SLC39A9: variants seen among roughly 807,000 people sequenced by gnomAD.
SLC39A9 encodes the protein zinc transporter ZIP9.
A neutral mutation model predicts 28.4 loss-of-function variants in SLC39A9; 14 were observed. That is an observed-to-expected ratio of 0.49 (90% CI 0.33 to 0.77). The LOEUF (loss-of-function observed/expected upper bound fraction) is 0.77. Ranked by LOEUF, SLC39A9 falls within the 30% of genes least tolerant of loss-of-function variation. The pLI is 0.02. For synonymous variants in SLC39A9, 119 were observed against 149.6 expected (o/e 0.80, Z 1.49); for missense variants, 283 against 381.1 (o/e 0.74, Z 2.14).
In SLC39A9 at chr14:69,460,098, A is replaced by G. The variant is rs1183806331; in HGVS notation, c.*1505A>G. 2.0e-6 allele frequency: 2 copies of G among 978,976 alleles called. No homozygotes were observed. The highest frequency in any genetic ancestry group is 2.4e-6 in the Non-Finnish European group (2 of 823,808). 60.6% of individuals were successfully genotyped at this position (978,976 alleles called of 1,614,324 possible). A position where few individuals can be genotyped will look rare whatever the true frequency, so the allele number is the denominator to read the frequency against. On this transcript the variant is annotated 3_prime_UTR_variant, in exon 7 of 7. Coordinates refer to ENST00000336643, the MANE Select transcript of SLC39A9 (RefSeq NM_018375.5). ...CCCTGTCTTGTCAAATAAGTGTATA[A>G]TATTGTATTATTAATTTATTTTTAC...
rs568311904 is a variant in SLC39A9, at chr14:69,435,339, T to C, written c.206-6730T>C. Among the ~76,000 whole-genome samples the C allele has an allele frequency of 3.3e-5, 5 of 152,226 alleles. No homozygotes were observed. In the South Asian group the frequency reaches 1.0e-3, roughly 32 times the overall value. On this transcript the variant is annotated intron_variant, in intron 2 of 6. Transcript: ENST00000336643. ...AATATTTCTTGTTCACAAGTCTACT[T>C]CATCTAATTTTAATATAACCATTCA... is the stretch of plus-strand genomic sequence containing the variant.
intron 1 of SLC39A9, among the ~76,000 whole-genome samples, chr14:69,409,436 C>G (rs1424265027): frequency 2.6e-5 from 4 of 152,094 alleles, no homozygotes; most frequent in African/African-American, 9.7e-5. Context: ...CACCCTGGGC[C>G]CAAGCGATCC....
intron 3 of SLC39A9, among the ~76,000 whole-genome samples, chr14:69,446,438 G>GA (rs1338402418): frequency 2.0e-5 from 3 of 151,454 alleles, no homozygotes; most frequent in African/African-American, 7.3e-5. Context: ...ATCTAGAACT[G>GA]AAAAAAACAG....
At chr14:69,430,337 A>C (rs1456777556) in intron 2 of SLC39A9, among the ~76,000 whole-genome samples, 1 of 152,136 alleles carries the variant, frequency 6.6e-6, no homozygotes, top group Non-Finnish European at 1.5e-5. Context: ...TTCTACATTT[A>C]ATCCTATGAT....
intron 6 of SLC39A9, 59 bp from the exon 7 acceptor site, chr14:69,458,304 T>G: frequency 6.3e-7 from 1 of 1,589,470 alleles, no homozygotes; most frequent in Non-Finnish European, 8.5e-7. Context: ...CTGGGACTTC[T>G]TCCTGACCCT....
chr14:69,451,486 A>G (rs1008380362), intron 3 of SLC39A9, among the ~76,000 whole-genome samples: 24 of 152,180 alleles, frequency 1.6e-4, no homozygotes, highest in South Asian at 8.3e-4. Context: ...TTAAGTAACT[A>G]TTGGGTGCCT....
intron 1 of SLC39A9, among the ~76,000 whole-genome samples, chr14:69,411,363 A>G (rs922430765): frequency 2.0e-5 from 3 of 152,170 alleles, no homozygotes; most frequent in African/African-American, 7.2e-5. Context: ...GCTTGTGCTG[A>G]TGGTTAACGG....
intron 1 of SLC39A9, among the ~76,000 whole-genome samples, chr14:69,400,141 G>A (rs984046171): frequency 3.3e-5 from 5 of 152,204 alleles, no homozygotes; most frequent in Non-Finnish European, 5.9e-5. Context: ...TTTTGAGAAA[G>A]TCAAACACAC....
At chr14:69,438,054 T>G (rs943847121) in intron 2 of SLC39A9, among the ~76,000 whole-genome samples, 2 of 146,822 alleles carry the variant, frequency 1.4e-5, no homozygotes, top group African/African-American at 5.1e-5. Context: ...AGAGTTTTGC[T>G]CTTGTCACCC....
At position 69,459,844 on chromosome 14, in the gene SLC39A9, C is replaced by T; in HGVS notation, c.*1251C>T. ...TGTGTGGGATGAATTCTTATCAGGACAACCACTTCTCGAACTGTAATAATG... is the reference window on the plus strand; with the variant it reads ...TGTGTGGGATGAATTCTTATCAGGATAACCACTTCTCGAACTGTAATAATG... On this transcript the variant is annotated 3_prime_UTR_variant, in exon 7 of 7. Transcript: ENST00000336643. 3.0e-6 allele frequency: 3 copies of T among 985,288 alleles called. No homozygotes were observed. The highest frequency in any genetic ancestry group is 3.6e-6 in the Non-Finnish European group (3 of 829,822). 61.0% of individuals were successfully genotyped at this position (985,288 alleles called of 1,614,324 possible).
chr14:69,439,788 G>A lies in SLC39A9; in HGVS notation c.206-2281G>A, dbSNP rs930833263. Among the ~76,000 whole-genome samples, 3 of 152,048 alleles carry A rather than the reference G, an allele frequency of 2.0e-5. No individual in the cohort carries two copies. In the South Asian group the frequency reaches 6.2e-4, roughly 32 times the overall value. On this transcript the variant is annotated intron_variant, in intron 2 of 6. Coordinates refer to ENST00000336643, the MANE Select transcript of SLC39A9 (RefSeq NM_018375.5). ...GAGCATGGCACCCCTCCCCTCTCTC[G>A]TCTTGTGAAATACTGACTCCTCTTC...
At chr14:69,446,022 G>A (rs915537565) in intron 3 of SLC39A9, among the ~76,000 whole-genome samples, 1 of 90,902 alleles carries the variant, frequency 1.1e-5, no homozygotes, top group African/African-American at 4.8e-5. Context: ...TACTGAACTC[G>A]TTGTTGTTGT....
At position 69,458,546 on chromosome 14, in the gene SLC39A9, C is replaced by T; in HGVS notation, c.877C>T (p.Leu293=). Residue 293 remains leucine, a synonymous_variant, in exon 7 of 7, where the codon CTG becomes TTG. Transcript: ENST00000336643. ...LSRLEVAALV[L]GCLIPLILSV... Reference sequence around the variant, plus strand: ...CCGCCTGGAAGTGGCAGCCCTGGTTCTGGGTTGCCTCATCCCTCTCATCCT... The same window carrying T: ...CCGCCTGGAAGTGGCAGCCCTGGTTTTGGGTTGCCTCATCCCTCTCATCCT... 1 of 1,614,132 alleles carries T rather than the reference C, an allele frequency of 6.2e-7. No homozygotes were observed. Among genetic ancestry groups the T allele is most frequent in the Non-Finnish European group, 8.5e-7 (1 of 1,179,968 alleles).
chr14:69,423,712 A>G (rs1011739562), intron 1 of SLC39A9, among the ~76,000 whole-genome samples: 1 of 152,122 alleles, frequency 6.6e-6, no homozygotes, highest in African/African-American at 2.4e-5. Context: ...AGCCTGGGCA[A>G]CATGGTGAAA....
At chr14:69,430,449 T>C (rs1204351560) in intron 2 of SLC39A9, among the ~76,000 whole-genome samples, 1 of 152,202 alleles carries the variant, frequency 6.6e-6, no homozygotes, top group Non-Finnish European at 1.5e-5. Context: ...TATTGAATTA[T>C]CTTTGCACTT....
At chr14:69,423,727 G>A (rs562808079) in intron 1 of SLC39A9, among the ~76,000 whole-genome samples, 3 of 152,002 alleles carry the variant, frequency 2.0e-5, no homozygotes, top group South Asian at 2.1e-4. Flanking sequence ...GTGAAACCCC[G>A]TCTCTACTGA....
chr14:69,441,128 A>G (rs1296258514), intron 2 of SLC39A9, among the ~76,000 whole-genome samples: 2 of 152,030 alleles, frequency 1.3e-5, no homozygotes, highest in Non-Finnish European at 2.9e-5. Flanking sequence ...AAAATTTTCA[A>G]ATTAGCTGGT....
At position 69,424,162 on chromosome 14, in the gene SLC39A9, G is replaced by T. The variant is rs1453694898; in HGVS notation, c.165G>T (p.Val55=). ...GTGGAACTGCTCTGGCAGTCATCGT[G>T]CCTGAAGGAGTACATGCCCTTTATG... ...LLCGTALAVI[V]PEGVHALYED... is the part of the protein sequence containing the mutation. The change falls in exon 2 of 7, where the codon GTG becomes GTT. Residue 55 remains valine, a synonymous_variant. Coordinates refer to ENST00000336643, the MANE Select transcript of SLC39A9 (RefSeq NM_018375.5). 1.2e-6 allele frequency: 2 copies of T among 1,613,850 alleles called. No homozygotes were observed. The highest frequency in any genetic ancestry group is 1.7e-5 in the Admixed American group (1 of 60,012).
rs1325309345 is a variant in SLC39A9, at chr14:69,399,021, C to G, written c.-349C>G. 1 of 245,250 alleles carries G rather than the reference C, an allele frequency of 4.1e-6. No homozygotes were observed. Among genetic ancestry groups the G allele is most frequent in the African/African-American group, 2.3e-5 (1 of 42,582 alleles). The allele number at this position is 245,250 out of a possible 1,614,324, so 15.2% of individuals were successfully genotyped here. On this transcript the variant is annotated 5_prime_UTR_variant, in exon 1 of 7. Coordinates refer to ENST00000336643, the MANE Select transcript of SLC39A9 (RefSeq NM_018375.5). ...ACCCGCCGCCGCCTAAGACATTGTG[C>G]CACCCTCAATCCGACAATCGAAGAA...
Sources: gnomAD v4.1 joint callset for allele counts (sites outside exome capture counted in the v4.1 genomes callset) on GRCh38, gnomAD v4.1.1 for gene constraint, MANE v1.5 for transcripts, NCBI Gene and HGNC (gene_info 2026-07-23, HGNC 2026-07-21) for gene names.